Variants in GALNT13 observed in about 807,000 individuals in gnomAD.
GALNT13 encodes polypeptide N-acetylgalactosaminyltransferase 13, also known as UDP-GalNAc:polypeptide N-acetylgalactosaminyltransferase 13.
A neutral mutation model predicts 64.2 loss-of-function variants in GALNT13; 28 were observed. The observed-to-expected ratio is 0.44, with a 90% CI of 0.32 to 0.60. The LOEUF (loss-of-function observed/expected upper bound fraction) is 0.60, where lower values mean the gene tolerates loss of function less well. GALNT13 is among the 20% of genes least tolerant of loss of function. The pLI is 0.05. For missense variants in GALNT13, 577 were observed against 669.8 expected (o/e 0.86, Z 1.53); for synonymous variants, 214 against 224.6 (o/e 0.95, Z 0.42).
At position 154,453,104 on chromosome 2, in the gene GALNT13, C is replaced by G. The variant is rs1276968387; in HGVS notation, c.*2553C>G. On this transcript the variant is annotated 3_prime_UTR_variant, in exon 13 of 13. Coordinates refer to ENST00000392825, the MANE Select transcript of GALNT13 (RefSeq NM_052917.4). The stretch of plus-strand genomic sequence containing the variant: ...AAAGAATGACTTGCCACCATATCCA[C>G]TAGGTGTCACTACCTCTAACCTTTT... 1 of 152,192 alleles carries G rather than the reference C, an allele frequency of 6.6e-6. No individual in the cohort carries two copies. The highest frequency in any genetic ancestry group is 1.5e-5 in the Non-Finnish European group (1 of 68,042). 9.4% of individuals were successfully genotyped at this position (152,192 alleles called of 1,614,324 possible). A position where few individuals can be genotyped will look rare whatever the true frequency, so the allele number is the denominator to read the frequency against.
the GALNT13 span, among the ~76,000 whole-genome samples, chr2:153,525,191 C>G: frequency 6.6e-6 from 1 of 152,170 alleles, no homozygotes. Flanking sequence ...CCAGTTCTAA[C>G]AGCATTAATC....
the GALNT13 span, among the ~76,000 whole-genome samples, chr2:153,203,464 T>C: frequency 6.6e-6 from 1 of 152,160 alleles, no homozygotes; most frequent in South Asian, 2.1e-4. Context: ...ATTCCATGGA[T>C]TATCTAATTG....
chr2:153,366,206 C>T, the GALNT13 span, among the ~76,000 whole-genome samples: 1 of 152,012 alleles, frequency 6.6e-6, no homozygotes, highest in Non-Finnish European at 1.5e-5. Context: ...AACACATGGA[C>T]ACAGGGAGGG....
At chr2:153,604,232 C>G in the GALNT13 span, among the ~76,000 whole-genome samples, 2 of 151,966 alleles carry the variant, frequency 1.3e-5, no homozygotes, top group African/African-American at 4.8e-5. Flanking sequence ...TTGGTTGATA[C>G]CAAGGGTCGT....
the GALNT13 span, among the ~76,000 whole-genome samples, chr2:153,261,386 G>C: frequency 3.8e-4 from 58 of 152,160 alleles, no homozygotes; most frequent in African/African-American, 1.4e-3. Context: ...TGGGTATTGA[G>C]ATCTAAATCT....
At chr2:154,395,161 A>C (rs1698997722) in intron 9 of GALNT13, among the ~76,000 whole-genome samples, 1 of 152,176 alleles carries the variant, frequency 6.6e-6, no homozygotes, top group African/African-American at 2.4e-5. Context: ...TATTCTAAGA[A>C]TAATTGCTGT....
At chr2:153,634,952 G>A in the GALNT13 span, among the ~76,000 whole-genome samples, 1 of 152,044 alleles carries the variant, frequency 6.6e-6, no homozygotes, top group African/African-American at 2.4e-5. Flanking sequence ...CTGGGAGGCA[G>A]GCATCTTGAT....
intron 3 of GALNT13, among the ~76,000 whole-genome samples, chr2:153,994,769 GT>G (rs139823481): frequency 0.2 from 30,689 of 151,822 alleles, 4,067 homozygotes; most frequent in Middle Eastern, 0.33. Flanking sequence ...GGGTTGTTTT[GT>G]TTTTTTCTTG....
rs1200109707 is a variant in GALNT13, at chr2:154,258,618, C to A, written c.858-403C>A. Among the ~76,000 whole-genome samples, 4 of 151,482 alleles carry A rather than the reference C, an allele frequency of 2.6e-5. No individual in the cohort carries two copies. In the East Asian group the frequency reaches 5.8e-4, roughly 22 times the overall value. On this transcript the variant is annotated intron_variant, in intron 7 of 12. Transcript: ENST00000392825. The stretch of plus-strand genomic sequence containing the variant: ...ATAGTGAAACCATGTCCACAGATTT[C>A]TAGAGTTTACATAAAAATGATTTAC...
intron 3 of GALNT13, among the ~76,000 whole-genome samples, chr2:154,138,005 A>G (rs1360138281): frequency 6.6e-6 from 1 of 151,970 alleles, no homozygotes; most frequent in Non-Finnish European, 1.5e-5. Context: ...GAAAGCAAAA[A>G]TTGTTCTCGT....
chr2:153,146,624 CCT>C, the GALNT13 span, among the ~76,000 whole-genome samples: 8 of 151,936 alleles, frequency 5.3e-5, no homozygotes, highest in East Asian at 3.9e-4. Context: ...CTTTCTGTCC[CCT>C]GAGATTCAAG....
intron 8 of GALNT13, among the ~76,000 whole-genome samples, chr2:154,269,528 CTT>C (rs10579053): frequency 0.032 from 4,816 of 151,586 alleles, 92 homozygotes; most frequent in East Asian, 0.083. Flanking sequence ...AAATCACTCT[CTT>C]AATGATAATA....
the GALNT13 span, among the ~76,000 whole-genome samples, chr2:153,327,747 T>G: frequency 6.6e-6 from 1 of 152,028 alleles, no homozygotes. Context: ...ACATGTTCCT[T>G]TAGCTCGGAG....
chr2:153,648,338 G>T, the GALNT13 span, among the ~76,000 whole-genome samples: 1 of 152,190 alleles, frequency 6.6e-6, no homozygotes, highest in Non-Finnish European at 1.5e-5. Context: ...CTTTGCTGAA[G>T]TTGCTTATCA....
At chr2:153,636,028 G>T in the GALNT13 span, among the ~76,000 whole-genome samples, 283 of 152,182 alleles carry the variant, frequency 1.9e-3, no homozygotes, top group Admixed American at 2.2e-3. Flanking sequence ...AGGAAATTCC[G>T]AACTCCATGC....
the GALNT13 span, among the ~76,000 whole-genome samples, chr2:153,465,568 G>A: frequency 6.6e-6 from 1 of 151,610 alleles, no homozygotes; most frequent in Non-Finnish European, 1.5e-5. Flanking sequence ...TTAAATCCAT[G>A]AGTCTGTACC....
At chr2:153,831,205 TTTCAGTTCAACTTAAGTTATCAC>T in the GALNT13 span, among the ~76,000 whole-genome samples, 1 of 152,270 alleles carries the variant, frequency 6.6e-6, no homozygotes, top group East Asian at 1.9e-4. Context: ...TTCCTTCAAA[TTTCAGTTCAACTTAAGTTATCAC>T]TATTCTATCA....
chr2:154,068,734 G>A (rs964829522), intron 3 of GALNT13, among the ~76,000 whole-genome samples: 4 of 151,926 alleles, frequency 2.6e-5, no homozygotes, highest in African/African-American at 9.7e-5. Context: ...AAGGGTAGTG[G>A]GGCTGGTGGG....
chr2:153,823,912 T>G, the GALNT13 span, among the ~76,000 whole-genome samples: 1 of 151,966 alleles, frequency 6.6e-6, no homozygotes, highest in African/African-American at 2.4e-5. Context: ...CCTTAAACAA[T>G]TCAACCAACA....
Sources: allele counts gnomAD v4.1 joint callset (sites outside exome capture counted in the v4.1 genomes callset), GRCh38; gene constraint gnomAD v4.1.1; transcripts MANE v1.5; gene names NCBI Gene and HGNC (gene_info 2026-07-23, HGNC 2026-07-21).